THSD7A: variants seen among roughly 807,000 people sequenced by gnomAD.
THSD7A encodes the protein thrombospondin type-1 domain-containing protein 7A.
In THSD7A, 96 loss-of-function variants were observed where a neutral mutation model predicts 231.3. The ratio of observed to expected loss-of-function variants is 0.41; its 90% CI spans 0.35 to 0.49. The LOEUF (loss-of-function observed/expected upper bound fraction) is 0.49, where lower values mean the gene tolerates loss of function less well. Ranked by LOEUF, THSD7A falls within the 20% of genes least tolerant of loss-of-function variation. The probability of loss-of-function intolerance (pLI) is 0.05; values close to 1 mark genes in which losing one functional copy is unlikely to be tolerated. For synonymous variants in THSD7A, 940 were observed against 743.3 expected (o/e 1.26, Z -4.30); for missense variants, 2,290 against 2,070.2 (o/e 1.11, Z -2.06).
At chr7:11,519,517 C>T (rs1788175151) in intron 6 of THSD7A, among the ~76,000 whole-genome samples, 1 of 152,180 alleles carries the variant, frequency 6.6e-6, no homozygotes, top group Non-Finnish European at 1.5e-5. Context: ...TCCAGCAGGT[C>T]TGGAAAGTTC....
At chr7:11,405,734 A>G (rs1783560324) in intron 22 of THSD7A, among the ~76,000 whole-genome samples, 1 of 152,202 alleles carries the variant, frequency 6.6e-6, no homozygotes, top group African/African-American at 2.4e-5. Context: ...ATCTTTCAAT[A>G]GTTTCCTCCA....
intron 1 of THSD7A, among the ~76,000 whole-genome samples, chr7:11,779,772 T>C (rs1465205492): frequency 1.3e-5 from 2 of 152,210 alleles, no homozygotes; most frequent in Non-Finnish European, 2.9e-5. Flanking sequence ...TCATCAGTCA[T>C]TGGGTTGAAG....
intron 22 of THSD7A, 24 bp from the exon 23 acceptor site, chr7:11,401,992 T>C: frequency 3.7e-6 from 6 of 1,603,788 alleles, no homozygotes; most frequent in Non-Finnish European, 5.1e-6. Context: ...ATTTGTAATT[T>C]ACACCCATAT....
intron 4 of THSD7A, among the ~76,000 whole-genome samples, chr7:11,575,222 T>C (rs753610700): frequency 1.7e-4 from 26 of 152,228 alleles, no homozygotes; most frequent in Non-Finnish European, 2.9e-4. Flanking sequence ...AGAAACTTGG[T>C]AATTATTTTT....
rs376759361 is a variant in THSD7A at position 11,686,274 on chromosome 7, C to G, written c.191-49313G>C. On this transcript the variant is annotated intron_variant, in intron 1 of 27. Coordinates refer to ENST00000423059, the MANE Select transcript of THSD7A (RefSeq NM_015204.3). The stretch of plus-strand genomic sequence containing the variant: ...TTGGGTGATAAGATCAATAGAATCC[C>G]AAACCTCCTGCACCACATAATATAC... Among the ~76,000 whole-genome samples the G allele has an allele frequency of 4.0e-5, 6 of 151,814 alleles. No individual in the cohort carries two copies. The East Asian group carries it at 1.2e-3, about 30-fold the overall frequency.
intron 4 of THSD7A, among the ~76,000 whole-genome samples, chr7:11,588,782 T>C (rs1780026846): frequency 6.6e-6 from 1 of 152,220 alleles, no homozygotes; most frequent in East Asian, 1.9e-4. Flanking sequence ...ACTGCTATAA[T>C]AAATCTACTT....
intron 2 of THSD7A, among the ~76,000 whole-genome samples, chr7:11,600,811 T>C (rs1407288495): frequency 6.6e-6 from 1 of 152,208 alleles, no homozygotes; most frequent in Non-Finnish European, 1.5e-5. Flanking sequence ...TTAATCCTAC[T>C]GGCATATGTA....
At chr7:11,530,421 G>C (rs751603564) in intron 6 of THSD7A, among the ~76,000 whole-genome samples, 22 of 152,204 alleles carry the variant, frequency 1.4e-4, no homozygotes, top group Non-Finnish European at 3.2e-4. Flanking sequence ...ATAAAAGAAA[G>C]GAATTAGTTA....
chr7:11,542,514 C>T (rs1789195477), intron 5 of THSD7A, among the ~76,000 whole-genome samples: 1 of 152,120 alleles, frequency 6.6e-6, no homozygotes, highest in Non-Finnish European at 1.5e-5. Context: ...TTATTGGGCA[C>T]TAGGTATGGG....
At chr7:11,598,502 A>C (rs1244749468) in intron 2 of THSD7A, among the ~76,000 whole-genome samples, 2 of 152,218 alleles carry the variant, frequency 1.3e-5, no homozygotes, top group Non-Finnish European at 2.9e-5. Flanking sequence ...GGGCTCAGCA[A>C]CATGGACTTC....
rs769827167 is a variant in THSD7A at position 11,446,269 on chromosome 7, C to G, written c.2856G>C (p.Glu952Asp). 6.2e-7 allele frequency: 1 copy of G among 1,613,388 alleles called. No individual in the cohort carries two copies. The highest frequency in any genetic ancestry group is 1.7e-5 in the Admixed American group (1 of 59,930). ...ATTTGTCACAAGGACAATACTGAGT[C>G]TCAATCAGGGGATACAAATGGGAAT... Reference protein sequence around the residue: ...CKNSHLYPLIETQYCPCDKYN... With the variant: ...CKNSHLYPLIDTQYCPCDKYN... The change falls in exon 13 of 28, where the codon GAG (glutamate) becomes GAC (aspartate). Residue 952 changes from glutamate (E) to aspartate (D), a missense_variant. Transcript: ENST00000423059. This position sits in a 1 kb window ranked among gnomAD's most constrained non-coding sequence, Gnocchi z 4.0.
chr7:11,589,669 A>G (rs1395997426), intron 4 of THSD7A, among the ~76,000 whole-genome samples: 1 of 152,200 alleles, frequency 6.6e-6, no homozygotes, highest in Admixed American at 6.5e-5. Context: ...GGGTCAGTGA[A>G]AGAAGTCCTG....
intron 1 of THSD7A, among the ~76,000 whole-genome samples, chr7:11,744,960 T>G (rs866685916): frequency 1.2e-4 from 18 of 152,132 alleles, no homozygotes; most frequent in African/African-American, 3.6e-4. Flanking sequence ...ATATACCCAG[T>G]AATGGGATGG....
intron 19 of THSD7A, among the ~76,000 whole-genome samples, chr7:11,410,180 G>A (rs1201160070): frequency 1.3e-5 from 2 of 152,216 alleles, no homozygotes; most frequent in African/African-American, 4.8e-5. Context: ...GGTTATTGCA[G>A]GAGGCATTTA....
At chr7:11,691,615 A>G (rs775513731) in intron 1 of THSD7A, among the ~76,000 whole-genome samples, 8 of 151,550 alleles carry the variant, frequency 5.3e-5, no homozygotes, top group Non-Finnish European at 7.4e-5. Context: ...TAACATCTAT[A>G]TCTATACATA....
intron 1 of THSD7A, among the ~76,000 whole-genome samples, chr7:11,823,836 G>C (rs1334322482): frequency 1.3e-5 from 2 of 151,728 alleles, no homozygotes; most frequent in African/African-American, 4.8e-5. Flanking sequence ...TGGGTACATA[G>C]GAACTACATG....
intron 5 of THSD7A, 97 bp from the exon 6 acceptor site, chr7:11,541,728 G>A (rs1429359791): frequency 2.7e-6 from 3 of 1,109,660 alleles, no homozygotes; most frequent in East Asian, 5.1e-5. Flanking sequence ...GGATAAGAGT[G>A]GAGGTAGAAG....
chr7:11,649,868 T>C (rs1782424276), intron 1 of THSD7A, among the ~76,000 whole-genome samples: 1 of 151,796 alleles, frequency 6.6e-6, no homozygotes, highest in Admixed American at 6.6e-5. Context: ...AGTCACCAAA[T>C]CCAACTAGTA....
intron 23 of THSD7A, among the ~76,000 whole-genome samples, chr7:11,400,505 C>T (rs1783364459): frequency 6.6e-6 from 1 of 152,056 alleles, no homozygotes; most frequent in Non-Finnish European, 1.5e-5. Flanking sequence ...TCTCTTTTGT[C>T]ATTGTTCTAT....
Sources: gnomAD v4.1 joint callset for allele counts (sites outside exome capture counted in the v4.1 genomes callset) on GRCh38, gnomAD v4.1.1 for gene constraint, Gnocchi (gnomAD v3.1) non-coding constraint, MANE v1.5 for transcripts, NCBI Gene and HGNC (gene_info 2026-07-23, HGNC 2026-07-21) for gene names.